Variants in CSMD1 observed in about 807,000 individuals in gnomAD.
CSMD1 encodes CUB and Sushi multiple domains 1, also known as CUB and sushi domain-containing protein 1.
A neutral mutation model predicts 417.5 loss-of-function variants in CSMD1; 213 were observed. The ratio of observed to expected loss-of-function variants is 0.51; its 90% CI spans 0.46 to 0.57. CSMD1 has a LOEUF of 0.57. CSMD1 is among the 20% of genes least tolerant of loss of function. CSMD1 has a pLI of 0.00. For synonymous variants in CSMD1, 2,862 were observed against 1,736.8 expected (o/e 1.65, Z -16.11); for missense variants, 6,923 against 4,529.7 (o/e 1.53, Z -15.17).
chr8:3,616,741 C>G lies in CSMD1; in HGVS notation c.1066G>C (p.Glu356Gln). Residue 356 changes from glutamate to glutamine, a missense_variant, in exon 8 of 70, where the codon GAA (glutamate) becomes CAA (glutamine). Transcript: ENST00000635120. ...TCGGAACCTGCTCTTCTACCATTTT[C>G]TGGAATCCCAGGATCTGGACACATG... Reference protein sequence around the residue: ...SDMCPDPGIPENGRRAGSDFR... With the variant: ...SDMCPDPGIPQNGRRAGSDFR... 6.2e-7 allele frequency: 1 copy of G among 1,612,564 alleles called. No homozygotes were observed. Among genetic ancestry groups the G allele is most frequent in the Non-Finnish European group, 8.5e-7 (1 of 1,179,138 alleles).
At chr8:4,685,602 A>T (rs1017132647) in intron 1 of CSMD1, among the ~76,000 whole-genome samples, 4 of 152,120 alleles carry the variant, frequency 2.6e-5, no homozygotes, top group Non-Finnish European at 4.4e-5. Flanking sequence ...AGAAAGAAAG[A>T]AAGAAAGAAA....
chr8:3,318,334 G>A (rs1805917774), intron 23 of CSMD1, among the ~76,000 whole-genome samples: 1 of 152,134 alleles, frequency 6.6e-6, no homozygotes, highest in Non-Finnish European at 1.5e-5. Flanking sequence ...ACATAAATCT[G>A]GAGTAGCATA....
At chr8:3,585,498 A>T (rs757343221) in intron 9 of CSMD1, among the ~76,000 whole-genome samples, 1 of 152,196 alleles carries the variant, frequency 6.6e-6, no homozygotes, top group African/African-American at 2.4e-5. Flanking sequence ...AACAACCAAA[A>T]TAATTTTCTG....
chr8:3,783,921 G>A (rs1251849052), intron 5 of CSMD1, among the ~76,000 whole-genome samples: 1 of 134,614 alleles, frequency 7.4e-6, no homozygotes, highest in Non-Finnish European at 1.6e-5. Context: ...CTGGGCTGCA[G>A]TTTGAATACC....
chr8:3,680,677 A>G (rs1229319248), intron 7 of CSMD1, among the ~76,000 whole-genome samples: 1 of 152,242 alleles, frequency 6.6e-6, no homozygotes, highest in African/African-American at 2.4e-5. Flanking sequence ...ACTCCTCCCT[A>G]ACTCATTTCA....
intron 1 of CSMD1, among the ~76,000 whole-genome samples, chr8:4,652,016 T>A (rs574037485): frequency 3.3e-5 from 5 of 152,212 alleles, no homozygotes; most frequent in East Asian, 1.9e-4. Context: ...AATGTCTAAG[T>A]CTCAGCTTTC....
rs77553694 is a variant in CSMD1, at chr8:4,753,623, A to T, written c.86-116065T>A. Among the ~76,000 whole-genome samples, 25 of 152,240 alleles carry T rather than the reference A, an allele frequency of 1.6e-4. No individual in the cohort carries two copies. The East Asian group carries it at 4.8e-3, about 29-fold the overall frequency. ...ACATCCTCACAGTATCAGGCGTCTCACTGTTCCGCAGCAGGACATGACCTT... is the reference window on the plus strand; with the variant it reads ...ACATCCTCACAGTATCAGGCGTCTCTCTGTTCCGCAGCAGGACATGACCTT... On this transcript the variant is annotated intron_variant, in intron 1 of 69. Coordinates refer to ENST00000635120, the MANE Select transcript of CSMD1 (RefSeq NM_033225.6).
intron 2 of CSMD1, among the ~76,000 whole-genome samples, chr8:4,636,027 A>G (rs2617003): frequency 0.34 from 51,426 of 151,790 alleles, 9,045 homozygotes; most frequent in Non-Finnish European, 0.38. Flanking sequence ...AATATATTTT[A>G]TATTTAACCT....
intron 5 of CSMD1, among the ~76,000 whole-genome samples, chr8:3,901,860 C>T (rs571492741): frequency 9.2e-5 from 14 of 152,166 alleles, no homozygotes; most frequent in Non-Finnish European, 1.9e-4. Flanking sequence ...TTTTATTATA[C>T]TGTACTCTTC....
Position 3,443,639 on chromosome 8 carries a change from A to AATATCAAAGTATGCAAATCTTTGT in CSMD1, c.1561+25049_1561+25072dup, listed in dbSNP as rs1815129746. On this transcript the variant is annotated intron_variant, in intron 12 of 69. Transcript: ENST00000635120. The stretch of plus-strand genomic sequence containing the variant: ...CCTACCTTTGCAGAGTTGACTGTGG[A>AATATCAAAGTATGCAAATCTTTGT]ATATCAAAGTATGCAAATCTTTGTA... 1.2e-4 allele frequency among the ~76,000 whole-genome samples: 19 copies of AATATCAAAGTATGCAAATCTTTGT among 152,360 alleles called. No homozygotes were observed. In the South Asian group the frequency reaches 3.9e-3, roughly 32 times the overall value.
chr8:3,094,838 A>G (rs1815189603), intron 47 of CSMD1, among the ~76,000 whole-genome samples: 1 of 151,688 alleles, frequency 6.6e-6, no homozygotes, highest in African/African-American at 2.4e-5. Flanking sequence ...AGAAAGAGAC[A>G]GAAAGATATG....
chr8:4,601,196 C>T (rs1157078088), intron 2 of CSMD1, among the ~76,000 whole-genome samples: 1 of 152,104 alleles, frequency 6.6e-6, no homozygotes, highest in Non-Finnish European at 1.5e-5. Context: ...CTCAGATGAT[C>T]CCCCACACTT....
At chr8:3,831,133 A>G (rs1413162978) in intron 5 of CSMD1, among the ~76,000 whole-genome samples, 1 of 152,190 alleles carries the variant, frequency 6.6e-6, no homozygotes, top group African/African-American at 2.4e-5. Context: ...ATATTTCACA[A>G]ATGCTTTCAC....
At chr8:4,734,199 A>T (rs1810078249) in intron 1 of CSMD1, among the ~76,000 whole-genome samples, 1 of 152,174 alleles carries the variant, frequency 6.6e-6, no homozygotes, top group Admixed American at 6.5e-5. Flanking sequence ...TTTACCTGGA[A>T]AATTCCCCTG....
intron 39 of CSMD1, among the ~76,000 whole-genome samples, chr8:3,153,039 G>A (rs1471959715): frequency 6.6e-6 from 1 of 152,224 alleles, no homozygotes; most frequent in Non-Finnish European, 1.5e-5. Flanking sequence ...CCCAGATGGT[G>A]AAGGCTTTCT....
intron 6 of CSMD1, among the ~76,000 whole-genome samples, chr8:3,730,369 G>A (rs956891945): frequency 3.6e-4 from 13 of 36,428 alleles, no homozygotes; most frequent in African/African-American, 8.0e-4. Flanking sequence ...TTTAAGGAGC[G>A]ATTTTTTTTT....
chr8:3,495,437 C>T (rs1282232340), intron 10 of CSMD1, among the ~76,000 whole-genome samples: 2 of 152,074 alleles, frequency 1.3e-5, no homozygotes, highest in African/African-American at 4.8e-5. Flanking sequence ...TGAATGGGCT[C>T]TCATTAGGGG....
At chr8:4,905,725 C>G (rs953360992) in intron 1 of CSMD1, among the ~76,000 whole-genome samples, 2 of 146,854 alleles carry the variant, frequency 1.4e-5, no homozygotes, top group Non-Finnish European at 3.0e-5. Context: ...GAGGCTGAGG[C>G]AGGAGAATGG....
chr8:4,619,670 A>C (rs1275241283), intron 2 of CSMD1, among the ~76,000 whole-genome samples: 1 of 152,166 alleles, frequency 6.6e-6, no homozygotes, highest in Non-Finnish European at 1.5e-5. Flanking sequence ...TGAAGTGCCA[A>C]AGATATGTCA....
Sources: allele counts gnomAD v4.1 joint callset (sites outside exome capture counted in the v4.1 genomes callset), GRCh38; gene constraint gnomAD v4.1.1; transcripts MANE v1.5; gene names NCBI Gene and HGNC (gene_info 2026-07-23, HGNC 2026-07-21).